Variants in PER3 observed in about 807,000 individuals in gnomAD.
PER3 encodes period circadian protein homolog 3.
PER3 carries 107 observed loss-of-function variants against 127.2 expected under a neutral mutation model. The observed-to-expected ratio is 0.84, with a 90% CI of 0.72 to 0.99. PER3 has a LOEUF of 0.99. PER3 is among the 50% of genes least tolerant of loss of function. The probability of loss-of-function intolerance (pLI) is 0.00; values close to 1 mark genes in which losing one functional copy is unlikely to be tolerated. For missense variants in PER3, 1,560 were observed against 1,525.8 expected (o/e 1.02, Z -0.37); for synonymous variants, 618 against 585.8 (o/e 1.05, Z -0.79).
chr1:7,804,384 C>G (rs1001702217), intron 10 of PER3, among the ~76,000 whole-genome samples: 19 of 147,786 alleles, frequency 1.3e-4, no homozygotes, highest in African/African-American at 4.5e-4. Flanking sequence ...CCATCAAATT[C>G]CACTTGTTTG....
intron 10 of PER3, among the ~76,000 whole-genome samples, chr1:7,808,079 A>C (rs1298264666): frequency 1.3e-5 from 2 of 151,958 alleles, no homozygotes; most frequent in African/African-American, 4.8e-5. Flanking sequence ...CTAAAAATAC[A>C]AAAATTAGCC....
At chr1:7,802,237 A>T (rs2097173708) in intron 8 of PER3, among the ~76,000 whole-genome samples, 1 of 151,842 alleles carries the variant, frequency 6.6e-6, no homozygotes, top group South Asian at 2.1e-4. Flanking sequence ...TGTCTATCTG[A>T]TATTACCTTT....
At position 7,819,406 on chromosome 1, in the gene PER3, C is replaced by G. The variant is rs374459315; in HGVS notation, c.1644C>G (p.Ile548Met). The change falls in exon 14 of 22, where the codon ATC becomes ATG. Residue 548 changes from isoleucine (I) to methionine (M), a missense_variant. By Grantham distance (10) the Ile-to-Met change is conservative. Coordinates refer to ENST00000377532, the MANE Select transcript of PER3 (RefSeq NM_001377275.1). ...CATCCTATCAACAGATCAACTGTAT[C>G]GACAGTGTCATCAGGTATGAGACCG... Reference protein sequence around the residue: ...HSPSYQQINCIDSVIRYLKSY... With the variant: ...HSPSYQQINCMDSVIRYLKSY... 1.2e-6 allele frequency: 2 copies of G among 1,613,956 alleles called. No individual in the cohort carries two copies. The highest frequency in any genetic ancestry group is 1.7e-6 in the Non-Finnish European group (2 of 1,179,860).
intron 13 of PER3, among the ~76,000 whole-genome samples, chr1:7,814,351 AAGAC>A (rs1289160983): frequency 2.0e-5 from 3 of 152,224 alleles, no homozygotes; most frequent in Admixed American, 6.5e-5. Context: ...GCAGAGAAAA[AAGAC>A]AGATTACATA....
rs562112750 is a variant in PER3, at chr1:7,819,695, C to T, written c.1658+275C>T. Among the ~76,000 whole-genome samples the T allele has an allele frequency of 2.0e-5, 3 of 152,182 alleles. No individual in the cohort carries two copies. The South Asian group carries it at 6.2e-4, about 32-fold the overall frequency. ...TGGTGTAAGGCAAGCTTCTCCAACC[C>T]ATGGCCCACAGGCTGCATGTGGCAC... On this transcript the variant is annotated intron_variant, in intron 14 of 21. Transcript: ENST00000377532.
At chr1:7,808,427 T>G (rs2150817378) in intron 10 of PER3, among the ~76,000 whole-genome samples, 1 of 152,250 alleles carries the variant, frequency 6.6e-6, no homozygotes, top group East Asian at 1.9e-4. Flanking sequence ...TTGTAATAGC[T>G]ACATTTTCAC....
chr1:7,817,867 C>A (rs1158908400), intron 13 of PER3, among the ~76,000 whole-genome samples: 1 of 152,052 alleles, frequency 6.6e-6, no homozygotes. Context: ...AGTATTCCTC[C>A]AAAACATATT....
At chr1:7,806,795 T>TAAAAAAAAAAAAAAA (rs71567316) in intron 10 of PER3, among the ~76,000 whole-genome samples, 5 of 91,894 alleles carry the variant, frequency 5.4e-5, no homozygotes, top group Admixed American at 1.7e-4. Flanking sequence ...CCCTGTCTCT[T>TAAAAAAAAAAAAAAA]AAAAAAAAAA....
In PER3 at chr1:7,843,050, C is replaced by T. The variant is rs1401488197; in HGVS notation, c.*295C>T. The T allele has an allele frequency of 4.5e-5, 8 of 179,568 alleles. No individual in the cohort carries two copies. Among genetic ancestry groups the T allele is most frequent in the Non-Finnish European group, 5.8e-5 (5 of 85,478 alleles). The allele number at this position is 179,568 out of a possible 1,614,324, so 11.1% of individuals were successfully genotyped here. On this transcript the variant is annotated 3_prime_UTR_variant, in exon 22 of 22. Transcript: ENST00000377532. ...GTGTATCTTTATTTCAGATGTCACC[C>T]AGAGTAAATTATAATTAGAAGTATA...
chr1:7,827,090 T>TA (rs1244880727), intron 17 of PER3, 28 bp from the exon 18 acceptor site: 1 of 1,515,638 alleles, frequency 6.6e-7, no homozygotes, highest in African/African-American at 1.4e-5. Flanking sequence ...TAATTTTCCA[T>TA]AATTTGCCTC....
Position 7,843,350 on chromosome 1 carries a change from C to G in PER3, c.*595C>G, listed in dbSNP as rs2097399765. 6.5e-6 allele frequency: 1 copy of G among 152,698 alleles called. No individual in the cohort carries two copies. 9.5% of individuals were successfully genotyped at this position (152,698 alleles called of 1,614,324 possible). A position where few individuals can be genotyped will look rare whatever the true frequency, so the allele number is the denominator to read the frequency against. The stretch of plus-strand genomic sequence containing the variant: ...TTGGGGGTTGAGTTTTGGCCTTCAT[C>G]CTTGTAGATCCCTTTCCTATTGATT... On this transcript the variant is annotated 3_prime_UTR_variant, in exon 22 of 22. Transcript: ENST00000377532.
Position 7,820,122 on chromosome 1 carries a change from A to C in PER3, c.1666A>C (p.Lys556Gln), listed in dbSNP as rs1298487759. 4 of 1,613,478 alleles carry C rather than the reference A, an allele frequency of 2.5e-6. No homozygotes were observed. The highest frequency in any genetic ancestry group is 3.4e-6 in the Non-Finnish European group (4 of 1,179,748). Residue 556 changes from lysine to glutamine, a missense_variant, in exon 15 of 22, where the codon AAG (lysine) becomes CAG (glutamine). Physicochemically the swap from Lys to Gln is moderately conservative, Grantham distance 53. Coordinates refer to ENST00000377532, the MANE Select transcript of PER3 (RefSeq NM_001377275.1). ...NCIDSVIRYL[K>Q]SYNIPALKRK... ...CTAATTATGTTGTTACAGATACCTG[A>C]AGAGCTACAACATTCCAGCTTTGAA...
intron 7 of PER3, among the ~76,000 whole-genome samples, chr1:7,800,827 C>A (rs1255598089): frequency 2.7e-3 from 267 of 100,464 alleles, no homozygotes; most frequent in African/African-American, 3.5e-3. Flanking sequence ...ACTCTGTCTC[C>A]AAAAAAAAAA....
intron 5 of PER3, among the ~76,000 whole-genome samples, chr1:7,791,188 G>A (rs1341995119): frequency 6.7e-6 from 1 of 148,898 alleles, no homozygotes; most frequent in Non-Finnish European, 1.5e-5. Flanking sequence ...TCTCTATGAG[G>A]GCTCCGCCCC....
In PER3 at chr1:7,844,900, A is replaced by C. The variant is rs1333717563; in HGVS notation, c.*2145A>C. 6.6e-6 allele frequency: 1 copy of C among 152,382 alleles called. No individual in the cohort carries two copies. The highest frequency in any genetic ancestry group is 2.4e-5 in the African/African-American group (1 of 41,470). 9.4% of individuals were successfully genotyped at this position (152,382 alleles called of 1,614,324 possible). On this transcript the variant is annotated 3_prime_UTR_variant, in exon 22 of 22. Transcript: ENST00000377532. ...GAAAGTGGTAATAAAAATTTATATT[A>C]TAGGCTTCAATGTTTTCATGAATGT...
intron 16 of PER3, among the ~76,000 whole-genome samples, chr1:7,824,464 T>TGA (rs2097292071): frequency 6.6e-6 from 1 of 152,190 alleles, no homozygotes; most frequent in Non-Finnish European, 1.5e-5. Flanking sequence ...AAGATTGCTT[T>TGA]GACTGTTAGG....
intron 10 of PER3, 53 bp downstream of exon 10, chr1:7,803,901 T>C (rs752708456): frequency 2.1e-6 from 3 of 1,440,692 alleles, no homozygotes; most frequent in South Asian, 2.4e-5. Flanking sequence ...TCAAATAATA[T>C]TCCTTAGCTT....
At chr1:7,815,991 CAA>C (rs34144861) in intron 13 of PER3, among the ~76,000 whole-genome samples, 253 of 67,602 alleles carry the variant, frequency 3.7e-3, no homozygotes, top group African/African-American at 0.012. Context: ...GACTCCGTCT[CAA>C]AAAAAAAAAA....
Position 7,827,804 on chromosome 1 carries a change from CA to C in PER3, c.2878del (p.Thr960LeufsTer47). ...PDQMRRNTCP[Q>X]TEYQCVTGNN... ...TCAGATGAGAAGGAACACGTGCCCACAAACTGAGTATGTAAGTGATGCTCAT... is the reference window on the plus strand; with the variant it reads ...TCAGATGAGAAGGAACACGTGCCCACAACTGAGTATGTAAGTGATGCTCAT... On this transcript the variant is annotated frameshift_variant, in exon 18 of 22. Coordinates refer to ENST00000377532, the MANE Select transcript of PER3 (RefSeq NM_001377275.1). LOFTEE classifies it high-confidence loss of function. 1 of 1,609,568 alleles carries C rather than the reference CA, an allele frequency of 6.2e-7. No homozygotes were observed. The highest frequency in any genetic ancestry group is 1.1e-5 in the South Asian group (1 of 90,842).
Sources: allele counts gnomAD v4.1 joint callset (sites outside exome capture counted in the v4.1 genomes callset), GRCh38; gene constraint gnomAD v4.1.1; transcripts MANE v1.5; gene names NCBI Gene and HGNC (gene_info 2026-07-23, HGNC 2026-07-21).